CREB5: variants seen among roughly 807,000 people sequenced by gnomAD.
CREB5 encodes the protein cAMP responsive element binding protein 5.
A neutral mutation model predicts 57.1 loss-of-function variants in CREB5; 19 were observed. The observed-to-expected ratio is 0.33, with a 90% CI of 0.23 to 0.49. The LOEUF (loss-of-function observed/expected upper bound fraction) is 0.49. Ranked by LOEUF, CREB5 falls within the 20% of genes least tolerant of loss-of-function variation. The pLI, the probability that CREB5 is intolerant of heterozygous loss-of-function variation, is 0.99. For missense variants in CREB5, 579 were observed against 671.6 expected (o/e 0.86, Z 1.52); for synonymous variants, 238 against 238.3 (o/e 1.00, Z 0.01).
At chr7:28,730,095 A>G (rs1034620756) in intron 7 of CREB5, among the ~76,000 whole-genome samples, 2 of 152,354 alleles carry the variant, frequency 1.3e-5, no homozygotes, top group East Asian at 1.9e-4. Context: ...GCCTGAATCA[A>G]GCACTTATGT....
At chr7:28,311,837 G>A (rs534277550) in intron 1 of CREB5, among the ~76,000 whole-genome samples, 2 of 152,292 alleles carry the variant, frequency 1.3e-5, no homozygotes, top group East Asian at 3.9e-4. Flanking sequence ...CGCAGCAAAA[G>A]CGTCACGTGG....
In CREB5 at chr7:28,560,833, CGT is replaced by C. The variant is rs1554344280; in HGVS notation, c.292-9522_292-9521del. On this transcript the variant is annotated intron_variant, in intron 4 of 10. Coordinates refer to ENST00000357727, the MANE Select transcript of CREB5 (RefSeq NM_182898.4). ...GCGTGTGTGTGTGTGCGCGCGCGCG[CGT>C]GTGTGTGTGCGCGTGTGTGTGTGCG... Among the ~76,000 whole-genome samples the C allele has an allele frequency of 6.0e-3, 252 of 41,906 alleles. 49 individuals carry two copies. Among genetic ancestry groups the C allele is most frequent in the South Asian group, 0.035 (36 of 1,018 alleles). 27.5% of individuals were successfully genotyped at this position (41,906 alleles called of 152,430 possible). A position where few individuals can be genotyped will look rare whatever the true frequency, so the allele number is the denominator to read the frequency against.
chr7:28,652,858 C>A (rs904548222), intron 5 of CREB5, among the ~76,000 whole-genome samples: 2 of 152,160 alleles, frequency 1.3e-5, no homozygotes, highest in African/African-American at 4.8e-5. Flanking sequence ...CAAGGAAACT[C>A]TGATTCAATA....
chr7:28,675,216 G>A lies in CREB5; in HGVS notation c.465-43537G>A, dbSNP rs116149475. 9.5e-3 allele frequency among the ~76,000 whole-genome samples: 1,449 copies of A among 152,304 alleles called. 26 individuals carry two copies. Among genetic ancestry groups the A allele is most frequent in the African/African-American group, 0.033 (1,368 of 41,548 alleles). On this transcript the variant is annotated intron_variant, in intron 5 of 10. Transcript: ENST00000357727. ...TTTGTAGCCATTATCACGATCTAAA[G>A]TAAGAGTATTTGCTGTTTACGTGTT...
At chr7:28,662,406 T>A (rs1799643797) in intron 5 of CREB5, among the ~76,000 whole-genome samples, 1 of 151,810 alleles carries the variant, frequency 6.6e-6, no homozygotes, top group Admixed American at 6.6e-5. Flanking sequence ...CTGAGAGGAG[T>A]TCCAAACGCA....
chr7:28,362,328 C>T (rs932011219), intron 1 of CREB5, among the ~76,000 whole-genome samples: 1 of 152,104 alleles, frequency 6.6e-6, no homozygotes, highest in Non-Finnish European at 1.5e-5. Flanking sequence ...GGTTGTTTCT[C>T]TGGACCTGAA....
At chr7:28,408,283 C>T (rs527655573), upstream of CREB5, among the ~76,000 whole-genome samples, 1 of 152,282 alleles carries the variant, frequency 6.6e-6, no homozygotes, top group East Asian at 1.9e-4. Context: ...ATCACGTGGT[C>T]GCAAGCGCTT....
chr7:28,679,758 T>G (rs970075385), intron 5 of CREB5, among the ~76,000 whole-genome samples: 2 of 152,170 alleles, frequency 1.3e-5, no homozygotes, highest in Non-Finnish European at 2.9e-5. Flanking sequence ...GAGGAACACC[T>G]GGATTATAAA....
chr7:28,380,294 G>T (rs1007701148), intron 1 of CREB5, among the ~76,000 whole-genome samples: 2 of 152,178 alleles, frequency 1.3e-5, no homozygotes, highest in Non-Finnish European at 2.9e-5. Context: ...TGCTAGGAAT[G>T]CTTCCATCTA....
chr7:28,350,079 C>T (rs943141399), intron 1 of CREB5, among the ~76,000 whole-genome samples: 4 of 152,200 alleles, frequency 2.6e-5, no homozygotes, highest in African/African-American at 9.7e-5. Context: ...TACAGGCATT[C>T]AGCCATCATT....
rs190320035 is a variant in CREB5, at chr7:28,302,035, C to G, written c.-25+2594C>G. On this transcript the variant is annotated intron_variant, in intron 1 of 9. Coordinates refer to the CREB5 transcript ENST00000396299. ...AGCAATTGGGTTGGAAATTGAAATT[C>G]GTTAAAATAGATAAACTCAGAGAAT... 1.7e-3 allele frequency among the ~76,000 whole-genome samples: 255 copies of G among 152,178 alleles called. 1 individual carries two copies. The highest frequency in any genetic ancestry group is 5.7e-3 in the African/African-American group (235 of 41,512).
chr7:28,488,871 T>G (rs1399746483), intron 2 of CREB5, among the ~76,000 whole-genome samples: 1 of 152,224 alleles, frequency 6.6e-6, no homozygotes, highest in Non-Finnish European at 1.5e-5. Context: ...ACATAGGGTC[T>G]GCACACAATA....
intron 1 of CREB5, among the ~76,000 whole-genome samples, chr7:28,444,278 C>G (rs1033675666): frequency 1.3e-5 from 2 of 152,084 alleles, no homozygotes; most frequent in African/African-American, 4.8e-5. Context: ...GGGGGAGAAA[C>G]ATAAGGTCTT....
At chr7:28,609,189 A>C (rs974044204) in intron 5 of CREB5, 1 of 152,082 alleles carries the variant, frequency 6.6e-6, no homozygotes, top group South Asian at 2.1e-4. Context: ...TTGAATAGTA[A>C]GTTGTATGTT....
intron 1 of CREB5, among the ~76,000 whole-genome samples, chr7:28,426,474 T>C (rs17156686): frequency 0.049 from 7,451 of 152,300 alleles, 606 homozygotes; most frequent in African/African-American, 0.17. Flanking sequence ...GTGTACTCCA[T>C]ATTCAAGACA....
At chr7:28,561,178 A>G (rs1016999717) in intron 4 of CREB5, among the ~76,000 whole-genome samples, 4 of 152,130 alleles carry the variant, frequency 2.6e-5, no homozygotes, top group Admixed American at 2.6e-4. Context: ...CACTCATTGT[A>G]CTGTTCTATA....
intron 7 of CREB5, among the ~76,000 whole-genome samples, chr7:28,790,790 T>A (rs1807658019): frequency 6.6e-6 from 1 of 152,226 alleles, no homozygotes; most frequent in Non-Finnish European, 1.5e-5. Context: ...CAGACACAAA[T>A]ATGCTCCTTA....
chr7:28,321,810 C>T (rs575736677), intron 1 of CREB5, among the ~76,000 whole-genome samples: 1 of 152,314 alleles, frequency 6.6e-6, no homozygotes, highest in East Asian at 1.9e-4. Flanking sequence ...GAATTTTCAA[C>T]ATGATCACAG....
chr7:28,596,614 T>G (rs1246032820), intron 5 of CREB5, among the ~76,000 whole-genome samples: 1 of 152,214 alleles, frequency 6.6e-6, no homozygotes, highest in Non-Finnish European at 1.5e-5. Context: ...GTTAAAAGCG[T>G]GAACCTGTAG....
Sources: allele counts gnomAD v4.1 joint callset (sites outside exome capture counted in the v4.1 genomes callset), GRCh38; gene constraint gnomAD v4.1.1; transcripts MANE v1.5; gene names NCBI Gene and HGNC (gene_info 2026-07-23, HGNC 2026-07-21).